Variants in GRIA4 observed in about 807,000 individuals in gnomAD.
The protein encoded by GRIA4 is glutamate receptor 4.
GRIA4 carries 34 observed loss-of-function variants against 104.0 expected under a neutral mutation model. The ratio of observed to expected loss-of-function variants is 0.33; its 90% CI spans 0.25 to 0.44. GRIA4 has a LOEUF of 0.44. GRIA4 is among the 20% of genes least tolerant of loss of function. GRIA4 has a pLI of 1.00. For synonymous variants in GRIA4, 386 were observed against 381.9 expected, an observed-to-expected ratio of 1.01 and a Z score of -0.13; for missense variants, 750 against 1,096.5, an observed-to-expected ratio of 0.68 and a Z score of 4.46.
At chr11:105,661,929 T>A (rs966463049) in intron 3 of GRIA4, among the ~76,000 whole-genome samples, 4 of 151,614 alleles carry the variant, frequency 2.6e-5, no homozygotes, top group African/African-American at 9.7e-5. Context: ...ATGACTATAT[T>A]TTTTCCACAC....
intron 2 of GRIA4, 92 bp from the exon 3 acceptor site, chr11:105,612,184 T>G: frequency 8.7e-7 from 1 of 1,143,736 alleles, no homozygotes; most frequent in South Asian, 1.4e-5. Context: ...TTGTATGTGC[T>G]TGTGAATGGC....
At position 105,978,174 on chromosome 11, in the gene GRIA4, T is replaced by C. The variant is rs140129088; in HGVS notation, c.2545-1401T>C. ...ATAAAAAGTATCTTCCTATATAAGG[T>C]CATTCATCCACTCAACAAATATTTA... On this transcript the variant is annotated intron_variant, in intron 16 of 16. Transcript: ENST00000282499. Among the ~76,000 whole-genome samples, 504 of 152,176 alleles carry C rather than the reference T, an allele frequency of 3.3e-3. 6 individuals are homozygous for C. The highest frequency in any genetic ancestry group is 0.011 in the African/African-American group (471 of 41,568).
intron 3 of GRIA4, among the ~76,000 whole-genome samples, chr11:105,647,706 T>C (rs1256754392): frequency 2.0e-5 from 3 of 152,094 alleles, no homozygotes; most frequent in African/African-American, 7.2e-5. Flanking sequence ...GAAAACCAAA[T>C]ACTGCACACT....
chr11:105,956,398 G>T (rs369056469), intron 14 of GRIA4, among the ~76,000 whole-genome samples: 7 of 152,066 alleles, frequency 4.6e-5, no homozygotes, highest in African/African-American at 1.4e-4. Context: ...CCAGAATGAT[G>T]GATTCCAGCT....
At chr11:105,835,668 G>C (rs1355410126) in intron 4 of GRIA4, among the ~76,000 whole-genome samples, 1 of 152,010 alleles carries the variant, frequency 6.6e-6, no homozygotes, top group Non-Finnish European at 1.5e-5. Flanking sequence ...ATTCGCAGGT[G>C]ATACTTATTA....
At chr11:105,653,999 CAAAAAAAAAAAAA>C in intron 3 of GRIA4, among the ~76,000 whole-genome samples, 6 of 50,262 alleles carry the variant, frequency 1.2e-4, no homozygotes, top group East Asian at 7.7e-4. Context: ...ACTATTTAGC[CAAAAAAAAAAAAA>C]AAAAAAAAAA....
At chr11:105,644,219 T>C (rs1951456032) in intron 3 of GRIA4, among the ~76,000 whole-genome samples, 1 of 152,312 alleles carries the variant, frequency 6.6e-6, no homozygotes, top group African/African-American at 2.4e-5. Context: ...GTGACTACCA[T>C]GCTATGAGGT....
At chr11:105,928,319 T>C (rs1485727549) in intron 13 of GRIA4, among the ~76,000 whole-genome samples, 1 of 152,050 alleles carries the variant, frequency 6.6e-6, no homozygotes, top group African/African-American at 2.4e-5. Flanking sequence ...TAATCTAAGA[T>C]GTATAAGTTA....
At position 105,652,484 on chromosome 11, in the gene GRIA4, T is replaced by A. The variant is rs202077219; in HGVS notation, c.247+40050T>A. Among the ~76,000 whole-genome samples, 32 of 151,912 alleles carry A rather than the reference T, an allele frequency of 2.1e-4. No individual in the cohort carries two copies. In the East Asian group the frequency reaches 6.2e-3, roughly 29 times the overall value. On this transcript the variant is annotated intron_variant, in intron 3 of 16. Coordinates refer to ENST00000282499, the MANE Select transcript of GRIA4 (RefSeq NM_000829.4). The stretch of plus-strand genomic sequence containing the variant: ...GACTCTTAGGATTTTTTTAACGGAG[T>A]TTCTTTTATTTGTGGTTAATCAGAA...
At chr11:105,879,358 TAG>T (rs1334239765) in intron 5 of GRIA4, among the ~76,000 whole-genome samples, 2 of 152,128 alleles carry the variant, frequency 1.3e-5, no homozygotes, top group Non-Finnish European at 2.9e-5. Context: ...AGGTCCCCGG[TAG>T]TTTCATTTTT....
chr11:105,740,381 C>T (rs963861218), intron 3 of GRIA4, among the ~76,000 whole-genome samples: 3 of 152,316 alleles, frequency 2.0e-5, no homozygotes, highest in South Asian at 2.1e-4. Flanking sequence ...TTGTGGCTTT[C>T]AGCCAGTCAT....
At chr11:105,945,087 A>G (rs1948276339) in intron 14 of GRIA4, among the ~76,000 whole-genome samples, 1 of 152,154 alleles carries the variant, frequency 6.6e-6, no homozygotes, top group African/African-American at 2.4e-5. Flanking sequence ...GGTCAGGGAG[A>G]TGAGCTGAGA....
chr11:105,907,118 A>G (rs1591430307), intron 9 of GRIA4, among the ~76,000 whole-genome samples: 1 of 152,372 alleles, frequency 6.6e-6, no homozygotes, highest in East Asian at 1.9e-4. Flanking sequence ...GCTAACTAGC[A>G]GTAATATGAA....
chr11:105,780,473 G>T (rs1212502556), intron 4 of GRIA4, among the ~76,000 whole-genome samples: 1 of 151,942 alleles, frequency 6.6e-6, no homozygotes, highest in African/African-American at 2.4e-5. Flanking sequence ...AAGAAATTTA[G>T]CTCACATTTC....
intron 4 of GRIA4, among the ~76,000 whole-genome samples, chr11:105,825,320 G>A (rs758009487): frequency 6.6e-6 from 1 of 151,994 alleles, no homozygotes; most frequent in Non-Finnish European, 1.5e-5. Context: ...CAGCCCAGCT[G>A]AACTATTATT....
intron 3 of GRIA4, among the ~76,000 whole-genome samples, chr11:105,660,586 A>C (rs1326589909): frequency 1.3e-5 from 2 of 151,656 alleles, no homozygotes; most frequent in Non-Finnish European, 1.5e-5. Flanking sequence ...CAAGGAGAAC[A>C]ATAAGATGAA....
In GRIA4 at chr11:105,684,114, T is replaced by A. The variant is rs190885330; in HGVS notation, c.248-68867T>A. 3.4e-3 allele frequency among the ~76,000 whole-genome samples: 512 copies of A among 152,208 alleles called. 4 individuals carry two copies. Among genetic ancestry groups the A allele is most frequent in the Non-Finnish European group, 5.4e-3 (369 of 68,004 alleles). ...GTCTCAAACCTCTGGCCTCAGGTGA[T>A]CCACCCGCCTCGGCCTCCCAAAGTG... On this transcript the variant is annotated intron_variant, in intron 3 of 16. Coordinates refer to ENST00000282499, the MANE Select transcript of GRIA4 (RefSeq NM_000829.4).
chr11:105,808,940 C>A (rs1327527815), intron 4 of GRIA4, among the ~76,000 whole-genome samples: 1 of 151,794 alleles, frequency 6.6e-6, no homozygotes, highest in Non-Finnish European at 1.5e-5. Flanking sequence ...TTCAGGTAAC[C>A]AAATAAAAAT....
intron 4 of GRIA4, among the ~76,000 whole-genome samples, chr11:105,836,820 G>A (rs955321659): frequency 6.6e-6 from 1 of 152,132 alleles, no homozygotes; most frequent in Non-Finnish European, 1.5e-5. Flanking sequence ...TTTACTATAT[G>A]TGTGTATATT....
Sources: gnomAD v4.1 joint callset for allele counts (sites outside exome capture counted in the v4.1 genomes callset) on GRCh38, gnomAD v4.1.1 for gene constraint, MANE v1.5 for transcripts, NCBI Gene and HGNC (gene_info 2026-07-23, HGNC 2026-07-21) for gene names.